Variants in MED12L observed in about 807,000 individuals in gnomAD.
MED12L encodes mediator complex subunit 12L.
In MED12L, 60 loss-of-function variants were observed where a neutral mutation model predicts 281.3. The ratio of observed to expected loss-of-function variants is 0.21; its 90% CI spans 0.17 to 0.26. The LOEUF is 0.26. Among genes scored for constraint, MED12L ranks in the 10% least tolerant of loss-of-function variants. The pLI, the probability that MED12L is intolerant of heterozygous loss-of-function variation, is 1.00. For missense variants in MED12L, 2,146 were observed against 2,680.9 expected, an observed-to-expected ratio of 0.80 and a Z score of 4.41; for synonymous variants, 974 against 987.2, an observed-to-expected ratio of 0.99 and a Z score of 0.25.
rs566215425 is a variant in MED12L, at chr3:151,111,964, C to A, written c.100-4374C>A. Among the ~76,000 whole-genome samples the A allele has an allele frequency of 2.6e-5, 4 of 152,172 alleles. No homozygotes were observed. The South Asian group carries it at 6.2e-4, about 24-fold the overall frequency. On this transcript the variant is annotated intron_variant, in intron 2 of 44. Transcript: ENST00000687756. ...TGCACTTTCAGATGTGTCACTGAAA[C>A]CTTCAACTGTTTTTTTCCCATCTCA...
intron 16 of MED12L, among the ~76,000 whole-genome samples, chr3:151,241,479 A>G (rs1734062439): frequency 6.6e-6 from 1 of 152,176 alleles, no homozygotes; most frequent in South Asian, 2.1e-4. Flanking sequence ...GAAACACTAA[A>G]GGCAGTGAAG....
chr3:151,413,892 C>G (rs1292965847), intron 42 of MED12L, among the ~76,000 whole-genome samples: 1 of 147,290 alleles, frequency 6.8e-6, no homozygotes, highest in African/African-American at 2.5e-5. Flanking sequence ...TTTTTTTCCC[C>G]TTAAGACGGA....
chr3:151,261,796 C>T lies in MED12L; in HGVS notation c.2250+68130C>T, dbSNP rs143484546. Among the ~76,000 whole-genome samples the T allele has an allele frequency of 8.3e-4, 127 of 152,236 alleles. 1 individual carries two copies. In the East Asian group the frequency reaches 0.019, roughly 23 times the overall value. The stretch of plus-strand genomic sequence containing the variant: ...CCACAGTGCAGTGGTATGATCTTGG[C>T]GCACTATAACCTCCACCTCCTGGGT... On this transcript the variant is annotated intron_variant, in intron 16 of 44. Transcript: ENST00000687756.
intron 32 of MED12L, among the ~76,000 whole-genome samples, chr3:151,381,518 T>C (rs988746608): frequency 6.6e-6 from 1 of 152,214 alleles, no homozygotes; most frequent in African/African-American, 2.4e-5. Context: ...GAGCAAATTC[T>C]CATTTCAGTG....
chr3:151,416,879 T>G (rs1290441319), intron 43 of MED12L, among the ~76,000 whole-genome samples: 1 of 152,252 alleles, frequency 6.6e-6, no homozygotes, highest in Non-Finnish European at 1.5e-5. Flanking sequence ...AGAGTTTTCA[T>G]GTAACTCACA....
chr3:151,113,198 T>TA (rs1712191967), intron 2 of MED12L, among the ~76,000 whole-genome samples: 1 of 152,084 alleles, frequency 6.6e-6, no homozygotes, highest in South Asian at 2.1e-4. Context: ...AGCAAAAAGT[T>TA]AAGGTGGTCA....
chr3:151,357,331 G>A lies in MED12L; in HGVS notation c.2780G>A (p.Ser927Asn). Residue 927 changes from serine (S) to asparagine (N), a missense_variant, in exon 20 of 45, where the codon AGT becomes AAT. Ser to Asn is a conservative substitution (Grantham distance 46, BLOSUM62 1). Around this residue, in one of 9 missense-constraint regions of MED12L, gnomAD observed 404 missense variants for 603.5 expected, o/e 0.67. Coordinates refer to ENST00000687756, the MANE Select transcript of MED12L (RefSeq NM_001393769.1). ...GTGGCTGTTCTCAGGCGCTATCACA[G>A]TTGTCTAATCTTGAATCCTGATCAG... ...CIVAVLRRYH[S>N]CLILNPDQTA... The A allele has an allele frequency of 5.6e-6, 9 of 1,613,724 alleles. No homozygotes were observed. Among genetic ancestry groups the A allele is most frequent in the Non-Finnish European group, 7.6e-6 (9 of 1,179,778 alleles).
Position 151,174,804 on chromosome 3 carries a change from A to AACTC in MED12L, c.1494+8823_1494+8826dup, listed in dbSNP as rs1350453211. Among the ~76,000 whole-genome samples, 7 of 152,042 alleles carry AACTC rather than the reference A, an allele frequency of 4.6e-5. 1 individual carries two copies. In the East Asian group the frequency reaches 1.3e-3, roughly 29 times the overall value. On this transcript the variant is annotated intron_variant, in intron 11 of 44. Transcript: ENST00000687756. ...GCGATCACAGCTGATTGCAGCCTTGAACTCCTGGGCTCATGTGATCCCCAG... is the reference window on the plus strand; with the variant it reads ...GCGATCACAGCTGATTGCAGCCTTGAACTCACTCCTGGGCTCATGTGATCCCCAG...
intron 5 of MED12L, among the ~76,000 whole-genome samples, chr3:151,129,883 CTCA>C (rs1715119672): frequency 6.6e-6 from 1 of 152,112 alleles, no homozygotes; most frequent in Non-Finnish European, 1.5e-5. Context: ...ATCTTCCTGC[CTCA>C]GCCTCTCAAG....
rs1328895582 is a variant in MED12L, at chr3:151,382,790, A to G, written c.4680+45A>G. The stretch of plus-strand genomic sequence containing the variant: ...TTTTCCCTCCATTAAACATATTTAC[A>G]TGTGAAAATACCTCCAGCTTTCCAC... On this transcript the variant is annotated intron_variant, in intron 33 of 44. Coordinates refer to ENST00000687756, the MANE Select transcript of MED12L (RefSeq NM_001393769.1). The G allele has an allele frequency of 8.9e-6, 13 of 1,458,392 alleles. No homozygotes were observed. The East Asian group carries it at 1.9e-4, about 21-fold the overall frequency. 90.3% of individuals were successfully genotyped at this position (1,458,392 alleles called of 1,614,324 possible).
intron 16 of MED12L, among the ~76,000 whole-genome samples, chr3:151,286,253 C>T (rs572737169): frequency 6.6e-6 from 1 of 152,284 alleles, no homozygotes; most frequent in South Asian, 2.1e-4. Flanking sequence ...GTTTCTGTCT[C>T]TAAAGGTCTC....
At chr3:151,301,002 G>A (rs1745841030) in intron 16 of MED12L, among the ~76,000 whole-genome samples, 1 of 152,178 alleles carries the variant, frequency 6.6e-6, no homozygotes, top group East Asian at 1.9e-4. Context: ...TCTCCACCCA[G>A]AATCCACTCT....
intron 39 of MED12L, among the ~76,000 whole-genome samples, chr3:151,407,429 A>G (rs1261785298): frequency 6.6e-6 from 1 of 152,196 alleles, no homozygotes; most frequent in African/African-American, 2.4e-5. Context: ...AAAAATGGTA[A>G]TATACATATA....
At chr3:151,219,516 G>C (rs1054959022) in intron 16 of MED12L, 1 of 152,152 alleles carries the variant, frequency 6.6e-6, no homozygotes, top group Non-Finnish European at 1.5e-5. Context: ...GATAATACTT[G>C]AGGGATTTAA....
intron 1 of MED12L, 42 bp from the exon 2 acceptor site, chr3:151,086,756 G>T: frequency 1.8e-6 from 1 of 552,082 alleles, no homozygotes. Context: ...CTGCTGCCGG[G>T]CAGCGGCAGC....
chr3:151,337,807 G>A, intron 16 of MED12L: 4 of 1,612,282 alleles, frequency 2.5e-6, no homozygotes, highest in Non-Finnish European at 2.5e-6. Flanking sequence ...TATTTCCTTA[G>A]TTAATTTGTT....
At position 151,411,369 on chromosome 3, in the gene MED12L, G is replaced by C. The variant is rs1716910230; in HGVS notation, c.6002G>C (p.Ser2001Thr). 1 of 1,614,068 alleles carries C rather than the reference G, an allele frequency of 6.2e-7. No homozygotes were observed. Among genetic ancestry groups the C allele is most frequent in the Admixed American group, 1.7e-5 (1 of 60,006 alleles). Reference sequence around the variant, plus strand: ...GCTGGCAGTGTGGTCCTGTCTCCCAGCTATAACTCCAGAGCCTATCCGGCC... The same window carrying C: ...GCTGGCAGTGTGGTCCTGTCTCCCACCTATAACTCCAGAGCCTATCCGGCC... ...QQAGSVVLSP[S>T]YNSRAYPAAH... The change falls in exon 41 of 45, where the codon AGC (serine) becomes ACC (threonine). Residue 2001 changes from serine (S) to threonine (T), a missense_variant. By Grantham distance (58) the Ser-to-Thr change is moderately conservative (BLOSUM62 1). Coordinates refer to ENST00000687756, the MANE Select transcript of MED12L (RefSeq NM_001393769.1).
Position 151,377,957 on chromosome 3 carries a change from G to A in MED12L, c.4317-55G>A, listed in dbSNP as rs186133529. 2.0e-4 allele frequency: 291 copies of A among 1,484,372 alleles called. No homozygotes were observed. In the African/African-American group the frequency reaches 3.7e-3, roughly 19 times the overall value. The allele number at this position is 1,484,372 out of a possible 1,614,324, so 92.0% of individuals were successfully genotyped here. A position where few individuals can be genotyped will look rare whatever the true frequency, so the allele number is the denominator to read the frequency against. ...TCGCTTTGGAGTTTCTGTTATAACT[G>A]TGAGAGCAGGGGAAAGGATGCTTTC... On this transcript the variant is annotated intron_variant, in intron 30 of 44. Transcript: ENST00000687756.
chr3:151,086,067 C>G (rs564610461), intron 1 of MED12L, 131 bp downstream of exon 1: 45 of 152,368 alleles, frequency 3.0e-4, no homozygotes, highest in African/African-American at 1.0e-3. Context: ...CTCCTCACCC[C>G]CTTCCCCAGC....
Sources: allele counts gnomAD v4.1 joint callset (sites outside exome capture counted in the v4.1 genomes callset), GRCh38; gene constraint gnomAD v4.1.1; regional missense constraint gnomAD v4.1.1; transcripts MANE v1.5; gene names NCBI Gene and HGNC (gene_info 2026-07-23, HGNC 2026-07-21).